The following PTHLH variants were observed in gnomAD, a reference collection of about 807,000 sequenced individuals.
PTHLH encodes parathyroid hormone like hormone.
Under a neutral mutation model 18.6 loss-of-function variants are expected in PTHLH, and 5 were observed. The ratio of observed to expected loss-of-function variants is 0.27; its 90% CI spans 0.14 to 0.56. The LOEUF (loss-of-function observed/expected upper bound fraction) is 0.56. Ranked by LOEUF, PTHLH falls within the 20% of genes least tolerant of loss-of-function variation. The probability of loss-of-function intolerance (pLI) is 0.92; values close to 1 mark genes in which losing one functional copy is unlikely to be tolerated. For synonymous variants in PTHLH, 90 were observed against 94.0 expected, an observed-to-expected ratio of 0.96 and a Z score of 0.25; for missense variants, 207 against 223.9, an observed-to-expected ratio of 0.92 and a Z score of 0.48.
rs1443579604 is a variant in PTHLH, at chr12:27,972,716, C to T, written c.-552G>A. ...ATTATTAGAAAGCAGGTACCTCTTC[C>T]AAGCTGCCCTGTTTATTACTTTCCG... On this transcript the variant is annotated 5_prime_UTR_variant, in exon 1 of 6. Coordinates refer to ENST00000545234, the MANE Select transcript of PTHLH (RefSeq NM_198965.2). 1 of 152,190 alleles carries T rather than the reference C, an allele frequency of 6.6e-6. No homozygotes were observed. The highest frequency in any genetic ancestry group is 6.5e-5 in the Admixed American group (1 of 15,278). The allele number at this position is 152,190 out of a possible 1,614,324, so 9.4% of individuals were successfully genotyped here.
chr12:27,959,831 G>T (rs1444342113), intron 5 of PTHLH, among the ~76,000 whole-genome samples: 2 of 152,174 alleles, frequency 1.3e-5, no homozygotes, highest in Non-Finnish European at 2.9e-5. Context: ...TTGGTGGATG[G>T]ATGTGGATAG....
chr12:27,962,192 A>C (rs2062767845), intron 5 of PTHLH: 2 of 443,146 alleles, frequency 4.5e-6, no homozygotes, highest in Non-Finnish European at 7.9e-6. Flanking sequence ...AAATGGGATT[A>C]ATATTTGCCC....
chr12:27,971,099 A>G (rs1428052749), intron 2 of PTHLH, among the ~76,000 whole-genome samples: 2 of 151,778 alleles, frequency 1.3e-5, no homozygotes, highest in Non-Finnish European at 2.9e-5. Context: ...CTTTTCACTC[A>G]TGGTCGGGAG....
At position 27,963,732 on chromosome 12, in the gene PTHLH, T is replaced by A. The variant is rs1565522051; in HGVS notation, c.140A>T (p.Lys47Met). Reference sequence around the variant, plus strand: ...CCGTAAATCTTGGATGGACTTCCCCTTGTCATGGAGGAGCTGATGTTCAGA... The same window carrying A: ...CCGTAAATCTTGGATGGACTTCCCCATGTCATGGAGGAGCTGATGTTCAGA... ...AVSEHQLLHDKGKSIQDLRRR... is the reference protein window; with the variant it reads ...AVSEHQLLHDMGKSIQDLRRR... Residue 47 changes from lysine (K) to methionine (M), a missense_variant, in exon 5 of 6, where the codon AAG becomes ATG. By Grantham distance (95) the Lys-to-Met change is moderately conservative. Transcript: ENST00000545234. 6.2e-7 allele frequency: 1 copy of A among 1,613,768 alleles called. No individual in the cohort carries two copies. Among genetic ancestry groups the A allele is most frequent in the Non-Finnish European group, 8.5e-7 (1 of 1,179,942 alleles).
Position 27,963,395 on chromosome 12 carries a change from C to G in PTHLH, c.477G>C (p.Gly159=). 6.2e-7 allele frequency: 1 copy of G among 1,614,126 alleles called. No individual in the cohort carries two copies. The highest frequency in any genetic ancestry group is 8.5e-7 in the Non-Finnish European group (1 of 1,180,028). The part of the protein sequence containing the change: ...DSGVTGSGLE[G]DHLSDTSTTS... ...TTGTGGAGGTGTCAGACAGGTGGTCCCCTTCTAGCCCACTCCCAGTCACTC... is the reference window on the plus strand; with the variant it reads ...TTGTGGAGGTGTCAGACAGGTGGTCGCCTTCTAGCCCACTCCCAGTCACTC... Residue 159 remains glycine (G), a synonymous_variant, in exon 5 of 6, where the codon GGG becomes GGC. Coordinates refer to ENST00000545234, the MANE Select transcript of PTHLH (RefSeq NM_198965.2).
intron 5 of PTHLH, chr12:27,962,088 CAG>C (rs951586891): frequency 7.7e-6 from 4 of 521,732 alleles, no homozygotes; most frequent in African/African-American, 5.9e-5. Flanking sequence ...TGTCAGAAAA[CAG>C]GGAGATAAAT....
At chr12:27,961,301 G>GTATATATATATACGTA (rs368406696) in intron 5 of PTHLH, among the ~76,000 whole-genome samples, 47 of 84,228 alleles carry the variant, frequency 5.6e-4, no homozygotes, top group East Asian at 2.9e-3. Flanking sequence ...ATATATATAC[G>GTATATATATATACGTA]TATATATATA....
intron 5 of PTHLH, among the ~76,000 whole-genome samples, chr12:27,959,718 TTTTAA>T (rs1364059329): frequency 6.6e-6 from 1 of 152,198 alleles, no homozygotes; most frequent in African/African-American, 2.4e-5. Flanking sequence ...TTTAAAAGTG[TTTTAA>T]TGTCTTAGGT....
intron 5 of PTHLH, chr12:27,962,276 G>T: frequency 4.1e-6 from 1 of 244,566 alleles, no homozygotes; most frequent in Non-Finnish European, 7.7e-6. Flanking sequence ...ATAGATTATA[G>T]ATAGGTAGAT....
chr12:27,962,697 T>G, intron 5 of PTHLH: 1 of 984,116 alleles, frequency 1.0e-6, no homozygotes, highest in Non-Finnish European at 1.2e-6. Flanking sequence ...AGTTAATACT[T>G]AAACATTTTC....
At chr12:27,969,320 G>T in intron 4 of PTHLH, 74 bp downstream of exon 4, 1 of 1,402,106 alleles carries the variant, frequency 7.1e-7, no homozygotes, top group South Asian at 1.2e-5. Flanking sequence ...GCAAGCCCTC[G>T]GCAGCATCCC....
chr12:27,962,371 A>G (rs1338184596), intron 5 of PTHLH: 5 of 205,638 alleles, frequency 2.4e-5, no homozygotes, highest in Non-Finnish European at 4.3e-5. Flanking sequence ...TATTTAGTCC[A>G]CATATAATCT....
At position 27,970,194 on chromosome 12, in the gene PTHLH, T is replaced by A. The variant is rs575444439; in HGVS notation, c.-192A>T. On this transcript the variant is annotated 5_prime_UTR_variant, in exon 3 of 6. It removes an upstream start codon present in the reference 5' UTR. Coordinates refer to ENST00000545234, the MANE Select transcript of PTHLH (RefSeq NM_198965.2). Reference sequence around the variant, plus strand: ...GCCCCGCTTCACGGGCGGGGAGACATGCTGGCCGGGCGGCGCAGGTTGGAG... The same window carrying A: ...GCCCCGCTTCACGGGCGGGGAGACAAGCTGGCCGGGCGGCGCAGGTTGGAG... The A allele has an allele frequency of 2.6e-3, 1,328 of 511,078 alleles. 16 individuals are homozygous for A. The highest frequency in any genetic ancestry group is 0.024 in the African/African-American group (1,218 of 51,808). The allele number at this position is 511,078 out of a possible 1,614,324, so 31.7% of individuals were successfully genotyped here. A position where few individuals can be genotyped will look rare whatever the true frequency, so the allele number is the denominator to read the frequency against.
chr12:27,962,038 G>A (rs2062766266), intron 5 of PTHLH: 2 of 634,338 alleles, frequency 3.2e-6, no homozygotes, highest in Admixed American at 2.8e-5. Context: ...CAATGGAAAT[G>A]CATCGATAAA....
At chr12:27,961,300 C>A (rs969755533) in intron 5 of PTHLH, among the ~76,000 whole-genome samples, 206 of 12,532 alleles carry the variant, frequency 0.016, no homozygotes, top group Non-Finnish European at 0.022. Context: ...TATATATATA[C>A]GTATATATAT....
At chr12:27,966,710 A>AT (rs2062817032) in intron 4 of PTHLH, among the ~76,000 whole-genome samples, 1 of 152,152 alleles carries the variant, frequency 6.6e-6, no homozygotes, top group East Asian at 1.9e-4. Context: ...TCCTTTGATT[A>AT]TTGTAAAAAA....
chr12:27,971,429 G>A (rs2120685035), intron 2 of PTHLH, among the ~76,000 whole-genome samples: 1 of 152,212 alleles, frequency 6.6e-6, no homozygotes, highest in East Asian at 1.9e-4. Flanking sequence ...AACCATTCAA[G>A]GGATATTTGT....
chr12:27,969,128 C>T (rs1221406577), intron 4 of PTHLH: 5 of 505,818 alleles, frequency 9.9e-6, no homozygotes, highest in African/African-American at 7.7e-5. Flanking sequence ...AGGATCTTTC[C>T]CTAGAAGAGA....
intron 2 of PTHLH, among the ~76,000 whole-genome samples, chr12:27,971,371 C>A (rs1186199903): frequency 6.6e-6 from 1 of 152,074 alleles, no homozygotes; most frequent in African/African-American, 2.4e-5. Context: ...AGTGGATACC[C>A]TCCCCAGGGC....
Sources: allele counts gnomAD v4.1 joint callset (sites outside exome capture counted in the v4.1 genomes callset), GRCh38; gene constraint gnomAD v4.1.1; transcripts MANE v1.5; gene names NCBI Gene and HGNC (gene_info 2026-07-23, HGNC 2026-07-21).